RTN4RL1: variants seen among roughly 807,000 people sequenced by gnomAD.
RTN4RL1 encodes the protein reticulon 4 receptor like 1.
Under a neutral mutation model 25.6 loss-of-function variants are expected in RTN4RL1, and 7 were observed. The ratio of observed to expected loss-of-function variants is 0.27; its 90% CI spans 0.16 to 0.51. The LOEUF (loss-of-function observed/expected upper bound fraction) is 0.51, where lower values mean the gene tolerates loss of function less well. Among genes scored for constraint, RTN4RL1 ranks in the 20% least tolerant of loss-of-function variants. The pLI is 0.97. For missense variants in RTN4RL1, 500 were observed against 615.6 expected, an observed-to-expected ratio of 0.81 and a Z score of 1.99; for synonymous variants, 297 against 288.2, an observed-to-expected ratio of 1.03 and a Z score of -0.31.
chr17:2,014,940 G>A (rs1443639901), intron 1 of RTN4RL1, among the ~76,000 whole-genome samples: 1 of 152,164 alleles, frequency 6.6e-6, no homozygotes, highest in Non-Finnish European at 1.5e-5. Flanking sequence ...AGCTGTGGTG[G>A]GGCCAGGGGG....
intron 1 of RTN4RL1, among the ~76,000 whole-genome samples, chr17:1,939,628 C>T (rs548023089): frequency 6.6e-6 from 1 of 152,310 alleles, no homozygotes; most frequent in Non-Finnish European, 1.5e-5. Flanking sequence ...TCTAATTGGG[C>T]ATTAATTAGG....
chr17:1,959,527 C>T (rs1317038531), intron 1 of RTN4RL1, among the ~76,000 whole-genome samples: 1 of 152,140 alleles, frequency 6.6e-6, no homozygotes, highest in Non-Finnish European at 1.5e-5. Flanking sequence ...GTAGTCACAC[C>T]TGTCCCCAGG....
intron 1 of RTN4RL1, among the ~76,000 whole-genome samples, chr17:1,983,315 G>C (rs925354745): frequency 1.3e-5 from 2 of 152,126 alleles, no homozygotes; most frequent in Admixed American, 6.5e-5. Context: ...CAAAGGGCTG[G>C]GATGACAGGC....
chr17:1,955,770 G>C (rs994954645), intron 1 of RTN4RL1, among the ~76,000 whole-genome samples: 7 of 151,754 alleles, frequency 4.6e-5, no homozygotes, highest in Non-Finnish European at 8.8e-5. Flanking sequence ...TTTTAGTAGA[G>C]ACAGGGTTTC....
In RTN4RL1 at chr17:1,936,373, G is replaced by C. The variant is rs535420108; in HGVS notation, c.*123C>G. On this transcript the variant is annotated 3_prime_UTR_variant, in exon 2 of 2. Coordinates refer to ENST00000331238, the MANE Select transcript of RTN4RL1 (RefSeq NM_178568.4). ...GCAGGGTCCAGACGTCCAGACAGCA[G>C]CCGAAGGCTCTACCAGCCTTTTCCT... The C allele has an allele frequency of 2.9e-4, 418 of 1,445,960 alleles. No individual in the cohort carries two copies. In the African/African-American group the frequency reaches 5.5e-3, roughly 19 times the overall value. The allele number at this position is 1,445,960 out of a possible 1,614,324, so 89.6% of individuals were successfully genotyped here.
At chr17:2,002,051 C>T (rs1392926083) in intron 1 of RTN4RL1, among the ~76,000 whole-genome samples, 9 of 150,544 alleles carry the variant, frequency 6.0e-5, no homozygotes, top group Middle Eastern at 3.4e-3. Context: ...AGAGGAGAGA[C>T]GCAGGGAGCT....
intron 1 of RTN4RL1, among the ~76,000 whole-genome samples, chr17:2,010,601 T>A (rs1483273619): frequency 6.6e-6 from 1 of 152,124 alleles, no homozygotes. Flanking sequence ...CCACCCAGGC[T>A]GGATGGAGTG....
Position 1,998,299 on chromosome 17 carries a change from C to G in RTN4RL1, c.13+26554G>C, listed in dbSNP as rs1297353180. On this transcript the variant is annotated intron_variant, in intron 1 of 1. Transcript: ENST00000331238. This position sits in a 1 kb window ranked among gnomAD's most constrained non-coding sequence, Gnocchi z 4.9. ...GCCCCAAGGCCTCCCGCAGGCCGAC[C>G]CGAGCCGAGCGCGCCCTTTGGGCAC... 6.6e-6 allele frequency among the ~76,000 whole-genome samples: 1 copy of G among 152,186 alleles called. No individual in the cohort carries two copies. The highest frequency in any genetic ancestry group is 6.5e-5 in the Admixed American group (1 of 15,284).
intron 1 of RTN4RL1, among the ~76,000 whole-genome samples, chr17:2,015,729 T>A (rs8080702): frequency 0.35 from 52,895 of 151,224 alleles, 9,540 homozygotes; most frequent in East Asian, 0.55. Flanking sequence ...GAATAAGGAG[T>A]CTCCAAGTGT....
At chr17:1,992,377 A>AG (rs1278004053) in intron 1 of RTN4RL1, among the ~76,000 whole-genome samples, 2 of 151,082 alleles carry the variant, frequency 1.3e-5, no homozygotes, top group African/African-American at 4.9e-5. Flanking sequence ...AAAAAAAAAA[A>AG]GAAAAACGAA....
At chr17:2,016,704 G>T (rs550895908) in intron 1 of RTN4RL1, among the ~76,000 whole-genome samples, 1 of 152,308 alleles carries the variant, frequency 6.6e-6, no homozygotes, top group South Asian at 2.1e-4. Flanking sequence ...ACAGGCGGCA[G>T]CAGGCGGGCA....
intron 1 of RTN4RL1, among the ~76,000 whole-genome samples, chr17:1,996,544 C>T (rs1289955823): frequency 6.6e-6 from 1 of 152,134 alleles, no homozygotes; most frequent in East Asian, 1.9e-4. Context: ...CGCTGCCTTG[C>T]CTTATCAGCC....
chr17:1,967,904 G>A lies in RTN4RL1; in HGVS notation c.14-30096C>T, dbSNP rs1016375551. ...GATCCACTCGCCTCAGCCTCCCAAA[G>A]TGCTGGGATTACAGGCGTGAGCCAT... On this transcript the variant is annotated intron_variant, in intron 1 of 1. Transcript: ENST00000331238. Among the ~76,000 whole-genome samples, 3 of 152,146 alleles carry A rather than the reference G, an allele frequency of 2.0e-5. No homozygotes were observed. The South Asian group carries it at 6.2e-4, about 32-fold the overall frequency.
chr17:1,956,114 T>G (rs1180829917), intron 1 of RTN4RL1, among the ~76,000 whole-genome samples: 2 of 152,128 alleles, frequency 1.3e-5, no homozygotes, highest in South Asian at 4.1e-4. Flanking sequence ...ATTTTCTACT[T>G]AAGACCATTC....
At chr17:2,023,156 G>C (rs1477560171) in intron 1 of RTN4RL1, among the ~76,000 whole-genome samples, 1 of 152,226 alleles carries the variant, frequency 6.6e-6, no homozygotes, top group African/African-American at 2.4e-5. Context: ...CTGCAGCCCA[G>C]ACATGGCGGC....
chr17:1,988,965 C>T (rs182825256), intron 1 of RTN4RL1, among the ~76,000 whole-genome samples: 15 of 152,274 alleles, frequency 9.9e-5, no homozygotes, highest in Non-Finnish European at 1.8e-4. Flanking sequence ...CTGTTAAAAA[C>T]AGGGGCCCCT....
At chr17:1,960,151 G>A (rs958284965) in intron 1 of RTN4RL1, among the ~76,000 whole-genome samples, 4 of 151,078 alleles carry the variant, frequency 2.6e-5, no homozygotes, top group Non-Finnish European at 4.4e-5. Context: ...TGGCCCCACC[G>A]TCAAAATACA....
At position 2,025,010 on chromosome 17, in the gene RTN4RL1, GGCCCCGCAGGGGCATGGTGAGCTCCA is replaced by G; in HGVS notation, c.-171_-146del. ...GGGATCCGCTCGTGCCCGGTGGCCC[GGCCCCGCAGGGGCATGGTGAGCTCCA>G]GCCCCGCGCCGAGGGCACCGGCGCC... On this transcript the variant is annotated 5_prime_UTR_variant, in exon 1 of 2. It removes an upstream start codon present in the reference 5' UTR. Transcript: ENST00000331238. This position sits in a 1 kb window ranked among gnomAD's most constrained non-coding sequence, Gnocchi z 4.8. 5.1e-6 allele frequency: 4 copies of G among 785,996 alleles called. No homozygotes were observed. Among genetic ancestry groups the G allele is most frequent in the Non-Finnish European group, 3.9e-6 (2 of 510,626 alleles). 48.7% of individuals were successfully genotyped at this position (785,996 alleles called of 1,614,324 possible).
At chr17:1,951,138 A>G (rs1185861053) in intron 1 of RTN4RL1, among the ~76,000 whole-genome samples, 4 of 151,654 alleles carry the variant, frequency 2.6e-5, no homozygotes, top group South Asian at 4.2e-4. Flanking sequence ...GGTGGTGGGT[A>G]CCTGTAGTCC....
Sources: gnomAD v4.1 joint callset for allele counts (sites outside exome capture counted in the v4.1 genomes callset) on GRCh38, gnomAD v4.1.1 for gene constraint, Gnocchi (gnomAD v3.1) non-coding constraint, MANE v1.5 for transcripts, NCBI Gene and HGNC (gene_info 2026-07-23, HGNC 2026-07-21) for gene names.